The following LBH variants were observed in gnomAD, a reference collection of about 807,000 sequenced individuals.
The protein encoded by LBH is LBH regulator of Wnt signaling pathway.
Under a neutral mutation model 12.5 loss-of-function variants are expected in LBH, and 7 were observed. That is an observed-to-expected ratio of 0.56 (90% confidence interval 0.32 to 1.05). The LOEUF (loss-of-function observed/expected upper bound fraction) is 1.05. LBH is among the 50% of genes least tolerant of loss of function. LBH has a pLI of 0.04. For synonymous variants in LBH, 51 were observed against 50.1 expected (o/e 1.02, Z -0.08); for missense variants, 119 against 138.9 (o/e 0.86, Z 0.72).
intron 2 of LBH, among the ~76,000 whole-genome samples, chr2:30,248,055 A>G (rs1172906267): frequency 6.6e-6 from 1 of 152,226 alleles, no homozygotes; most frequent in African/African-American, 2.4e-5. Context: ...GCCCTAGGCT[A>G]AATAGAATAT....
At chr2:30,251,614 C>T (rs1443479277) in intron 2 of LBH, among the ~76,000 whole-genome samples, 1 of 144,260 alleles carries the variant, frequency 6.9e-6, no homozygotes, top group East Asian at 2.1e-4. Flanking sequence ...CTACAGTGAG[C>T]TGAGATTGTG....
chr2:30,231,564 T>C lies in LBH; in HGVS notation c.-175T>C. The C allele has an allele frequency of 1.6e-6, 1 of 637,564 alleles. No homozygotes were observed. Among genetic ancestry groups the C allele is most frequent in the Non-Finnish European group, 2.8e-6 (1 of 353,072 alleles). 39.5% of individuals were successfully genotyped at this position (637,564 alleles called of 1,614,324 possible). On this transcript the variant is annotated 5_prime_UTR_variant, in exon 1 of 3. Coordinates refer to ENST00000395323, the MANE Select transcript of LBH (RefSeq NM_030915.4). ...GTGCTCAGTGGAGAGCGGGGAGTTGTGTCCACCTTGCCGACGTCGCTAGCC... is the reference window on the plus strand; with the variant it reads ...GTGCTCAGTGGAGAGCGGGGAGTTGCGTCCACCTTGCCGACGTCGCTAGCC...
At chr2:30,242,198 G>A (rs1279784240) in intron 2 of LBH, among the ~76,000 whole-genome samples, 1 of 151,996 alleles carries the variant, frequency 6.6e-6, no homozygotes, top group Non-Finnish European at 1.5e-5. Flanking sequence ...GTAAAAGTGT[G>A]AGTATGCATA....
rs113721073 is a variant in LBH at position 30,257,790 on chromosome 2, C to CT, written c.*182dup. ...AGTTGGTTTTCTTTTCTTTTCTTGC[C>CT]TTTTTTTTTTTTTGAAATTTGCCGA... is the stretch of plus-strand genomic sequence containing the variant. On this transcript the variant is annotated 3_prime_UTR_variant, in exon 3 of 3. Transcript: ENST00000395323. 24,492 of 394,312 alleles carry CT rather than the reference C, an allele frequency of 0.062. 10 individuals are homozygous for CT. Among genetic ancestry groups the CT allele is most frequent in the Middle Eastern group, 0.097 (150 of 1,542 alleles). The allele number at this position is 394,312 out of a possible 1,614,324, so 24.4% of individuals were successfully genotyped here.
chr2:30,248,612 C>T (rs1677918253), intron 2 of LBH, among the ~76,000 whole-genome samples: 1 of 152,148 alleles, frequency 6.6e-6, no homozygotes, highest in South Asian at 2.1e-4. Context: ...CTGGAGGTGA[C>T]AGGGGGCCAG....
chr2:30,239,354 C>A (rs762329073), intron 2 of LBH, among the ~76,000 whole-genome samples: 4 of 152,158 alleles, frequency 2.6e-5, no homozygotes, highest in African/African-American at 4.8e-5. Flanking sequence ...CCCACCAGCT[C>A]ACGAGGCCAT....
intron 2 of LBH, among the ~76,000 whole-genome samples, chr2:30,237,114 C>A (rs1677701119): frequency 1.3e-5 from 2 of 152,188 alleles, no homozygotes; most frequent in African/African-American, 4.8e-5. Flanking sequence ...TCGGCTCAGG[C>A]CTGGGGGCAG....
In LBH at chr2:30,244,975, G is replaced by A. The variant is rs541777269; in HGVS notation, c.129+10468G>A. Among the ~76,000 whole-genome samples, 136 of 152,294 alleles carry A rather than the reference G, an allele frequency of 8.9e-4. No homozygotes were observed. In the Middle Eastern group the frequency reaches 0.014, roughly 15 times the overall value. ...TTTAATAATTATTTGTGATATGTTT[G>A]TTGATCAGTTATATACTAATAGCTG... On this transcript the variant is annotated intron_variant, in intron 2 of 2. Coordinates refer to ENST00000395323, the MANE Select transcript of LBH (RefSeq NM_030915.4).
intron 2 of LBH, among the ~76,000 whole-genome samples, chr2:30,236,110 TTAGATTTCCATCACAGA>T (rs1677685776): frequency 6.6e-6 from 1 of 152,224 alleles, no homozygotes; most frequent in Non-Finnish European, 1.5e-5. Context: ...GTTCTGGGTT[TTAGATTTCCATCACAGA>T]ACCTTTCCAA....
intron 2 of LBH, among the ~76,000 whole-genome samples, chr2:30,245,478 G>A (rs531700071): frequency 6.6e-6 from 1 of 152,328 alleles, no homozygotes; most frequent in East Asian, 1.9e-4. Flanking sequence ...CGATGGCACT[G>A]TAGGTCCTCA....
At chr2:30,232,529 T>G in intron 1 of LBH, 4 of 220,600 alleles carry the variant, frequency 1.8e-5, no homozygotes, top group Non-Finnish European at 3.6e-5. Flanking sequence ...GTTTCTTCCT[T>G]CCTGCTCTGG....
intron 2 of LBH, among the ~76,000 whole-genome samples, chr2:30,236,511 A>C (rs181786082): frequency 6.3e-4 from 96 of 152,300 alleles, no homozygotes; most frequent in African/African-American, 2.2e-3. Context: ...AAAATATCTT[A>C]CTTGGAACTT....
Position 30,258,323 on chromosome 2 carries a change from C to A in LBH, c.*702C>A. On this transcript the variant is annotated 3_prime_UTR_variant, in exon 3 of 3. Coordinates refer to ENST00000395323, the MANE Select transcript of LBH (RefSeq NM_030915.4). ...CCCATTCTACTCCATGGCCTCTCTG[C>A]TCCCAGCTGTGGTAGGCTCACATAG... 1 of 152,462 alleles carries A rather than the reference C, an allele frequency of 6.6e-6. No homozygotes were observed. The allele number at this position is 152,462 out of a possible 1,614,324, so 9.4% of individuals were successfully genotyped here.
intron 2 of LBH, among the ~76,000 whole-genome samples, chr2:30,248,668 T>A (rs1489799692): frequency 6.6e-6 from 1 of 152,092 alleles, no homozygotes; most frequent in East Asian, 1.9e-4. Flanking sequence ...AAGTCGTGAA[T>A]ATTTGAAGTC....
At position 30,231,632 on chromosome 2, in the gene LBH, C is replaced by T; in HGVS notation, c.-107C>T. 1 of 1,151,020 alleles carries T rather than the reference C, an allele frequency of 8.7e-7. No individual in the cohort carries two copies. Among genetic ancestry groups the T allele is most frequent in the Non-Finnish European group, 1.3e-6 (1 of 776,632 alleles). 71.3% of individuals were successfully genotyped at this position (1,151,020 alleles called of 1,614,324 possible). A position where few individuals can be genotyped will look rare whatever the true frequency, so the allele number is the denominator to read the frequency against. On this transcript the variant is annotated 5_prime_UTR_variant, in exon 1 of 3. Coordinates refer to ENST00000395323, the MANE Select transcript of LBH (RefSeq NM_030915.4). ...AGGCGGACGGCGAGCGCCCGGTGTC[C>T]GCACTCGGCCGCCTGCCGTGCCCGT...
chr2:30,256,465 C>T (rs1204228571), intron 2 of LBH: 1 of 152,218 alleles, frequency 6.6e-6, no homozygotes, highest in African/African-American at 2.4e-5. Context: ...GAGGACCCAT[C>T]TGCTTGAGGG....
chr2:30,255,170 C>G (rs1678058256), intron 2 of LBH, among the ~76,000 whole-genome samples: 1 of 152,270 alleles, frequency 6.6e-6, no homozygotes, highest in Non-Finnish European at 1.5e-5. Flanking sequence ...GGGCTTCCCT[C>G]CATCGGGGTC....
In LBH at chr2:30,254,599, C is replaced by G. The variant is rs529087056; in HGVS notation, c.130-2834C>G. Reference sequence around the variant, plus strand: ...TCCTCCTCTTCGTCCTCTTCCTCCTCTCTTCCTCCTCCTCCTCCCCCTCCC... The same window carrying G: ...TCCTCCTCTTCGTCCTCTTCCTCCTGTCTTCCTCCTCCTCCTCCCCCTCCC... On this transcript the variant is annotated intron_variant, in intron 2 of 2. Transcript: ENST00000395323. 7.4e-4 allele frequency among the ~76,000 whole-genome samples: 112 copies of G among 151,950 alleles called. 1 individual carries two copies. Among genetic ancestry groups the G allele is most frequent in the South Asian group, 1.9e-3 (9 of 4,792 alleles).
intron 2 of LBH, among the ~76,000 whole-genome samples, chr2:30,251,575 GAGGATCACTTGATCCTGGA>G (rs1362162939): frequency 6.6e-6 from 1 of 151,030 alleles, no homozygotes; most frequent in Non-Finnish European, 1.5e-5. Flanking sequence ...GCTGAAGTGG[GAGGATCACTTGATCCTGGA>G]AGGTTGAGGC....
Sources: gnomAD v4.1 joint callset for allele counts (sites outside exome capture counted in the v4.1 genomes callset) on GRCh38, gnomAD v4.1.1 for gene constraint, MANE v1.5 for transcripts, NCBI Gene and HGNC (gene_info 2026-07-23, HGNC 2026-07-21) for gene names.